Variants in THOC2 observed in about 807,000 individuals in gnomAD.
THOC2 encodes the protein THO complex subunit 2.
A neutral mutation model predicts 128.4 loss-of-function variants in THOC2; 10 were observed. That is an observed-to-expected ratio of 0.08 (90% CI 0.05 to 0.13). The LOEUF (loss-of-function observed/expected upper bound fraction) is 0.13, where lower values mean the gene tolerates loss of function less well. Among genes scored for constraint, THOC2 ranks in the 10% least tolerant of loss-of-function variants. The pLI is 1.00. For synonymous variants in THOC2, 393 were observed against 396.9 expected (o/e 0.99, Z 0.12); for missense variants, 535 against 1,155.7 (o/e 0.46, Z 7.79).
At chrX:123,699,570 A>AT (rs1214737805) in intron 4 of THOC2, among the ~76,000 whole-genome samples, 6 of 110,813 alleles carry the variant, frequency 5.4e-5, no homozygotes, top group Admixed American at 9.7e-5. Flanking sequence ...ATTTTAAGGG[A>AT]TTGGGGCTAA....
chrX:123,696,541 G>T (rs1171905042), intron 6 of THOC2, among the ~76,000 whole-genome samples, 180 bp downstream of exon 6: 1 of 111,127 alleles, frequency 9.0e-6, no homozygotes, highest in Admixed American at 9.6e-5. Context: ...GTTTTGCACA[G>T]GTAAAGATCA....
intron 33 of THOC2, among the ~76,000 whole-genome samples, chrX:123,615,888 C>G (rs2046875409): frequency 9.0e-6 from 1 of 111,060 alleles, no homozygotes; most frequent in South Asian, 3.7e-4. Flanking sequence ...TGATCAAATA[C>G]TCTTTTGCAT....
chrX:123,645,658 T>C (rs1310589684), intron 12 of THOC2, among the ~76,000 whole-genome samples: 2 of 112,699 alleles, frequency 1.8e-5, no homozygotes, highest in Non-Finnish European at 3.8e-5. Context: ...GATCTAAGAA[T>C]TTATTATAAA....
At chrX:123,659,904 C>T (rs1021081807) in intron 12 of THOC2, among the ~76,000 whole-genome samples, 2 of 111,889 alleles carry the variant, frequency 1.8e-5, no homozygotes, top group Non-Finnish European at 3.8e-5. Context: ...TAGAAGCAAT[C>T]TTAAAAATCC....
intron 19 of THOC2, among the ~76,000 whole-genome samples, chrX:123,634,781 G>C (rs1261855350): frequency 9.0e-6 from 1 of 111,635 alleles, no homozygotes; most frequent in Non-Finnish European, 1.9e-5. Flanking sequence ...AGGAAAAAAA[G>C]AAGTTCTAAG....
chrX:123,618,112 G>A (rs1003186443), intron 33 of THOC2, among the ~76,000 whole-genome samples: 3 of 111,504 alleles, frequency 2.7e-5, no homozygotes, highest in Middle Eastern at 4.2e-3. Context: ...AACTCTGTTA[G>A]TATTGTGACG....
chrX:123,611,644 A>G, intron 36 of THOC2, 128 bp from the exon 37 acceptor site: 1 of 417,552 alleles, frequency 2.4e-6, no homozygotes, highest in Non-Finnish European at 4.1e-6. Context: ...CCAAAAGCAT[A>G]AGCAACAAAA....
At chrX:123,654,538 G>A (rs1165491319) in intron 12 of THOC2, among the ~76,000 whole-genome samples, 5 of 107,185 alleles carry the variant, frequency 4.7e-5, no homozygotes, top group Admixed American at 1.0e-4. Flanking sequence ...CACGGATCAC[G>A]AGGTCAGGAG....
At chrX:123,604,338 T>C (rs982860126) in intron 38 of THOC2, among the ~76,000 whole-genome samples, 2 of 111,636 alleles carry the variant, frequency 1.8e-5, no homozygotes, top group African/African-American at 3.3e-5. Flanking sequence ...CGCCATTTTA[T>C]ATTGGTAATT....
intron 33 of THOC2, among the ~76,000 whole-genome samples, chrX:123,615,562 T>C (rs1311547983): frequency 9.2e-6 from 1 of 109,034 alleles, no homozygotes. Flanking sequence ...TAACATTATT[T>C]ATGAAAATGA....
intron 2 of THOC2, among the ~76,000 whole-genome samples, chrX:123,710,008 G>T (rs2051117018): frequency 9.0e-6 from 1 of 111,578 alleles, no homozygotes; most frequent in African/African-American, 3.3e-5. Context: ...TTAATTCAAG[G>T]GAAGGGCAGA....
intron 12 of THOC2, among the ~76,000 whole-genome samples, chrX:123,645,887 G>A (rs553204065): frequency 4.5e-5 from 5 of 110,952 alleles, no homozygotes; most frequent in African/African-American, 1.3e-4. Flanking sequence ...ACTTGAACCC[G>A]GGAGGTGTAG....
At chrX:123,615,644 C>A (rs201197682) in intron 33 of THOC2, among the ~76,000 whole-genome samples, 2 of 95,979 alleles carry the variant, frequency 2.1e-5, no homozygotes. Context: ...CCAATAAAAG[C>A]AAAAAAAAAA....
intron 9 of THOC2, among the ~76,000 whole-genome samples, chrX:123,669,870 T>C (rs2049198396): frequency 8.9e-6 from 1 of 111,869 alleles, no homozygotes; most frequent in Non-Finnish European, 1.9e-5. Context: ...CCTTTTACTA[T>C]CAACATTTCA....
chrX:123,689,485 G>A (rs1206937893), intron 7 of THOC2, among the ~76,000 whole-genome samples: 1 of 111,428 alleles, frequency 9.0e-6, no homozygotes, highest in East Asian at 2.8e-4. Context: ...GGAGTGTAGT[G>A]GTGCATTCAT....
chrX:123,677,065 T>C (rs2049526483), intron 8 of THOC2, among the ~76,000 whole-genome samples: 1 of 111,893 alleles, frequency 8.9e-6, no homozygotes, highest in South Asian at 3.8e-4. Context: ...ACTACACATG[T>C]AGGCTATATG....
At chrX:123,601,708 T>C (rs188157226) in intron 38 of THOC2, 12 of 109,591 alleles carry the variant, frequency 1.1e-4, no homozygotes, top group African/African-American at 4.0e-4. Flanking sequence ...AAAAAAAAAA[T>C]TGAACATTGT....
chrX:123,711,865 T>C (rs910910445), intron 2 of THOC2, among the ~76,000 whole-genome samples: 22 of 106,534 alleles, frequency 2.1e-4, no homozygotes, highest in African/African-American at 6.9e-4. Context: ...AGTGGCAGGA[T>C]TGCTTGAGCC....
intron 7 of THOC2, among the ~76,000 whole-genome samples, chrX:123,688,635 A>AT (rs1277528927): frequency 9.0e-6 from 1 of 110,948 alleles, no homozygotes; most frequent in Non-Finnish European, 1.9e-5. Flanking sequence ...AGGCGGAAGG[A>AT]TTACTTGAGC....
Sources: allele counts gnomAD v4.1 joint callset (sites outside exome capture counted in the v4.1 genomes callset), GRCh38; gene constraint gnomAD v4.1.1; transcripts MANE v1.5; gene names NCBI Gene and HGNC (gene_info 2026-07-23, HGNC 2026-07-21).